Variants in CACNA2D3 observed in about 807,000 individuals in gnomAD.
CACNA2D3 encodes voltage-dependent calcium channel subunit alpha-2/delta-3.
CACNA2D3 carries 60 observed loss-of-function variants against 160.6 expected under a neutral mutation model. That is an observed-to-expected ratio of 0.37 (90% CI 0.30 to 0.46). The LOEUF (loss-of-function observed/expected upper bound fraction) is 0.46. CACNA2D3 is among the 20% of genes least tolerant of loss of function. CACNA2D3 has a pLI of 1.00. For synonymous variants in CACNA2D3, 558 were observed against 492.9 expected (o/e 1.13, Z -1.75); for missense variants, 1,205 against 1,365.0 (o/e 0.88, Z 1.85).
At chr3:54,553,747 A>G (rs896262361) in intron 5 of CACNA2D3, among the ~76,000 whole-genome samples, 4 of 152,146 alleles carry the variant, frequency 2.6e-5, no homozygotes, top group Admixed American at 2.6e-4. Context: ...GGTATTGGGG[A>G]AAAAAATCAA....
chr3:54,962,044 C>G (rs1702041510), intron 27 of CACNA2D3, among the ~76,000 whole-genome samples: 1 of 147,062 alleles, frequency 6.8e-6, no homozygotes, highest in Non-Finnish European at 1.5e-5. Flanking sequence ...GTCCCACTCT[C>G]ATGATAACTC....
chr3:54,617,932 T>C lies in CACNA2D3; in HGVS notation c.964-9855T>C, dbSNP rs144303144. On this transcript the variant is annotated intron_variant, in intron 9 of 37. Coordinates refer to ENST00000474759, the MANE Select transcript of CACNA2D3 (RefSeq NM_018398.3). ...TTCTAGGAGCCAGTGACTTTCCTTT[T>C]TCTGTATGTAGAGTTTGGGTTTTTT... Among the ~76,000 whole-genome samples the C allele has an allele frequency of 6.0e-3, 911 of 152,080 alleles. 7 individuals are homozygous for C. Among genetic ancestry groups the C allele is most frequent in the African/African-American group, 0.02 (846 of 41,398 alleles).
intron 35 of CACNA2D3, among the ~76,000 whole-genome samples, chr3:55,030,424 G>A (rs1156705818): frequency 6.6e-6 from 1 of 152,008 alleles, no homozygotes; most frequent in Non-Finnish European, 1.5e-5. Flanking sequence ...ATGGGTATGG[G>A]GCCAGGTTTG....
At chr3:54,371,536 A>G (rs913802676) in intron 3 of CACNA2D3, among the ~76,000 whole-genome samples, 2 of 152,218 alleles carry the variant, frequency 1.3e-5, no homozygotes, top group African/African-American at 4.8e-5. Flanking sequence ...TGATTTTAGT[A>G]AATTTACCAA....
At chr3:54,761,221 T>TA (rs1249432848) in intron 12 of CACNA2D3, among the ~76,000 whole-genome samples, 6 of 152,170 alleles carry the variant, frequency 3.9e-5, no homozygotes, top group African/African-American at 1.4e-4. Context: ...GAAGAACTCC[T>TA]ACAAGATCCT....
intron 9 of CACNA2D3, among the ~76,000 whole-genome samples, chr3:54,619,629 T>G (rs1193792956): frequency 6.6e-6 from 1 of 152,170 alleles, no homozygotes; most frequent in Non-Finnish European, 1.5e-5. Context: ...TCCCCCAAAT[T>G]GCAAACAGCT....
intron 12 of CACNA2D3, among the ~76,000 whole-genome samples, chr3:54,758,041 A>G (rs1258414789): frequency 1.3e-5 from 2 of 152,194 alleles, no homozygotes; most frequent in African/African-American, 4.8e-5. Context: ...CATAATTAAC[A>G]AAGGCCAGAG....
chr3:54,233,789 T>G (rs979298787), intron 2 of CACNA2D3, among the ~76,000 whole-genome samples: 5 of 152,204 alleles, frequency 3.3e-5, no homozygotes, highest in African/African-American at 1.2e-4. Context: ...TTGAAACTAT[T>G]TGGTCATCAT....
chr3:54,983,165 G>A (rs1347678421), intron 29 of CACNA2D3, among the ~76,000 whole-genome samples: 1 of 152,288 alleles, frequency 6.6e-6, no homozygotes, highest in Middle Eastern at 3.4e-3. Flanking sequence ...TGTAGTACTA[G>A]TATAATCTAA....
intron 32 of CACNA2D3, 129 bp from the exon 33 acceptor site, chr3:55,007,661 C>G (rs1040207925): frequency 4.8e-6 from 3 of 625,282 alleles, no homozygotes; most frequent in Non-Finnish European, 8.1e-6. Flanking sequence ...TTAGCTAGAA[C>G]GCCACTGTTT....
At chr3:54,617,181 C>T (rs17054227) in intron 9 of CACNA2D3, among the ~76,000 whole-genome samples, 38,615 of 152,028 alleles carry the variant, frequency 0.25, 5,346 homozygotes, top group African/African-American at 0.34. Flanking sequence ...TGTGTTTTGG[C>T]ACACCTTTGC....
At chr3:54,139,019 G>A (rs566611951) in intron 2 of CACNA2D3, among the ~76,000 whole-genome samples, 25 of 152,296 alleles carry the variant, frequency 1.6e-4, no homozygotes, top group African/African-American at 4.3e-4. Context: ...GGGTCTGGAC[G>A]TCCAGGTTCT....
chr3:55,044,948 A>C (rs1704043805), intron 35 of CACNA2D3, among the ~76,000 whole-genome samples: 1 of 152,186 alleles, frequency 6.6e-6, no homozygotes, highest in Non-Finnish European at 1.5e-5. Context: ...GGTAAACCAT[A>C]CTTGGTCATG....
intron 5 of CACNA2D3, among the ~76,000 whole-genome samples, chr3:54,522,933 T>TTACTTACTTACTTACTTAC (rs1559503842): frequency 1.0e-4 from 14 of 135,344 alleles, no homozygotes; most frequent in African/African-American, 3.7e-4. Context: ...TATTTATTTA[T>TTACTTACTTACTTACTTAC]TTACTTACTT....
intron 4 of CACNA2D3, among the ~76,000 whole-genome samples, chr3:54,482,722 C>T (rs1024262843): frequency 2.6e-5 from 4 of 152,276 alleles, no homozygotes; most frequent in Admixed American, 6.5e-5. Context: ...CACTGGGTCT[C>T]GGAGCTCTCC....
chr3:54,751,050 G>T (rs1328502956), intron 11 of CACNA2D3, among the ~76,000 whole-genome samples: 2 of 152,076 alleles, frequency 1.3e-5, no homozygotes, highest in Non-Finnish European at 2.9e-5. Context: ...GAGTACAGGT[G>T]TGAGCCACTG....
intron 35 of CACNA2D3, among the ~76,000 whole-genome samples, chr3:55,071,444 A>G (rs1446575878): frequency 6.6e-6 from 1 of 152,196 alleles, no homozygotes; most frequent in East Asian, 1.9e-4. Context: ...ATATTTTTCA[A>G]TGATTATTCC....
At position 55,004,759 on chromosome 3, in the gene CACNA2D3, G is replaced by A; in HGVS notation, c.2691-4G>A. The A allele has an allele frequency of 1.2e-6, 2 of 1,610,130 alleles. No homozygotes were observed. Among genetic ancestry groups the A allele is most frequent in the Non-Finnish European group, 1.7e-6 (2 of 1,176,896 alleles). The stretch of plus-strand genomic sequence containing the variant: ...TGAAGCTCCCTTCCATTTCTTTCCT[G>A]TAGAATTACCCTTTATGACTACCAA... On this transcript the variant is annotated splice_polypyrimidine_tract_variant and splice_region_variant and intron_variant, in intron 31 of 37. Transcript: ENST00000474759.
chr3:54,757,792 A>G (rs1702000492), intron 12 of CACNA2D3, among the ~76,000 whole-genome samples: 2 of 152,164 alleles, frequency 1.3e-5, no homozygotes, highest in Admixed American at 1.3e-4. Flanking sequence ...GTTTACAGAG[A>G]AGGAAACTGA....
Sources: allele counts gnomAD v4.1 joint callset (sites outside exome capture counted in the v4.1 genomes callset), GRCh38; gene constraint gnomAD v4.1.1; transcripts MANE v1.5; gene names NCBI Gene and HGNC (gene_info 2026-07-23, HGNC 2026-07-21).